Variants in ASPSCR1 observed in about 807,000 individuals in gnomAD.
ASPSCR1 encodes ASPSCR1 tether for SLC2A4, UBX domain containing.
Under a neutral mutation model 68.9 loss-of-function variants are expected in ASPSCR1, and 55 were observed. That is an observed-to-expected ratio of 0.80 (90% CI 0.64 to 1.00). The LOEUF is 1.00. ASPSCR1 is among the 50% of genes least tolerant of loss of function. The pLI is 0.00. For missense variants in ASPSCR1, 765 were observed against 762.2 expected (o/e 1.00, Z -0.04); for synonymous variants, 352 against 332.6 (o/e 1.06, Z -0.63).
Position 82,004,995 on chromosome 17 carries a change from T to G in ASPSCR1, c.934-4042T>G, listed in dbSNP as rs1025561395. The G allele has an allele frequency of 3.9e-5, 6 of 152,464 alleles. No individual in the cohort carries two copies. In the Middle Eastern group the frequency reaches 0.014, roughly 343 times the overall value. 9.4% of individuals were successfully genotyped at this position (152,464 alleles called of 1,614,324 possible). A position where few individuals can be genotyped will look rare whatever the true frequency, so the allele number is the denominator to read the frequency against. ...GACCTGCTGCCCGGGGCCGGGGGTC[T>G]GGGCCTCTTTGCATCGGCTCAGGGG... On this transcript the variant is annotated intron_variant, in intron 7 of 15. Transcript: ENST00000306739.
chr17:82,001,675 C>G lies in ASPSCR1; in HGVS notation c.933+4829C>G, dbSNP rs569601445. 3.9e-5 allele frequency among the ~76,000 whole-genome samples: 6 copies of G among 152,320 alleles called. No individual in the cohort carries two copies. The East Asian group carries it at 1.2e-3, about 29-fold the overall frequency. On this transcript the variant is annotated intron_variant, in intron 7 of 15. Transcript: ENST00000306739. ...TGGGCGAGTCGGCTGCTGCAGGGCG[C>G]AGACCCCACTGGCCCCTTCTGGCCT...
chr17:81,993,953 G>A (rs1181795677), intron 4 of ASPSCR1, among the ~76,000 whole-genome samples: 1 of 152,142 alleles, frequency 6.6e-6, no homozygotes, highest in Non-Finnish European at 1.5e-5. Flanking sequence ...TCCCTGGAGA[G>A]GGACTGATGA....
At chr17:81,992,815 C>T (rs540410787) in intron 4 of ASPSCR1, among the ~76,000 whole-genome samples, 8 of 152,334 alleles carry the variant, frequency 5.3e-5, no homozygotes, top group African/African-American at 9.6e-5. Context: ...CTCTGTGGGA[C>T]GGGAGCTTAG....
chr17:81,978,175 G>A (rs1364155153), intron 1 of ASPSCR1: 1 of 153,554 alleles, frequency 6.5e-6, no homozygotes, highest in Non-Finnish European at 1.4e-5. Flanking sequence ...GATTTTTGCC[G>A]AGTCACTCAC....
In ASPSCR1 at chr17:82,010,851, TC is replaced by T. The variant is rs1273300845; in HGVS notation, c.1222del (p.Arg408AlafsTer13). ...GACCGCTACGTCCTACAGGGCTTCT[TC>T]CGCCCCAGCGAGACAGGTGGGCAGC... ...FPDRYVLQGF[F>X]RPSETVGDLR... On this transcript the variant is annotated frameshift_variant, in exon 10 of 16. Coordinates refer to ENST00000306739, the MANE Select transcript of ASPSCR1 (RefSeq NM_024083.4). LOFTEE classifies it high-confidence loss of function. 1.9e-6 allele frequency: 3 copies of T among 1,612,702 alleles called. No individual in the cohort carries two copies. Among genetic ancestry groups the T allele is most frequent in the Non-Finnish European group, 2.5e-6 (3 of 1,179,906 alleles).
chr17:81,984,787 ACACACCCC>A (rs1177493675), intron 3 of ASPSCR1, among the ~76,000 whole-genome samples: 2 of 149,248 alleles, frequency 1.3e-5, no homozygotes, highest in Admixed American at 6.7e-5. Context: ...ACACACCCAC[ACACACCCC>A]CACACACCCA....
intron 7 of ASPSCR1, among the ~76,000 whole-genome samples, chr17:82,000,603 C>T (rs2042497559): frequency 6.6e-6 from 1 of 152,170 alleles, no homozygotes; most frequent in South Asian, 2.1e-4. Context: ...TCCAAGTTTC[C>T]CATTAATGTT....
At chr17:81,980,617 T>G (rs1263672598) in intron 2 of ASPSCR1, among the ~76,000 whole-genome samples, 1 of 152,198 alleles carries the variant, frequency 6.6e-6, no homozygotes, top group South Asian at 2.1e-4. Flanking sequence ...GGGTGGCCAT[T>G]CTAACAGGCT....
chr17:82,002,054 C>A (rs2042554050), intron 7 of ASPSCR1, among the ~76,000 whole-genome samples: 1 of 130,086 alleles, frequency 7.7e-6, no homozygotes, highest in Non-Finnish European at 1.5e-5. Context: ...CTTGCCCAGG[C>A]AGGAGTGCAG....
At chr17:81,991,056 G>T (rs958331685) in intron 4 of ASPSCR1, among the ~76,000 whole-genome samples, 3 of 152,158 alleles carry the variant, frequency 2.0e-5, no homozygotes, top group African/African-American at 7.2e-5. Context: ...GGGTGACCGA[G>T]ACCTGCCGTG....
intron 2 of ASPSCR1, among the ~76,000 whole-genome samples, chr17:81,980,639 C>T (rs984514374): frequency 1.3e-5 from 2 of 152,192 alleles, no homozygotes; most frequent in Admixed American, 1.3e-4. Flanking sequence ...GGAAGTGTAG[C>T]CTCCAGCCAG....
chr17:82,008,998 C>A (rs2042817539), intron 7 of ASPSCR1, 39 bp from the exon 8 acceptor site: 32 of 1,465,712 alleles, frequency 2.2e-5, no homozygotes, highest in Non-Finnish European at 2.9e-5. Flanking sequence ...GAGGGCCCAG[C>A]CCGTGACACC....
At chr17:82,000,830 T>C (rs1207693953) in intron 7 of ASPSCR1, among the ~76,000 whole-genome samples, 1 of 151,812 alleles carries the variant, frequency 6.6e-6, no homozygotes, top group Non-Finnish European at 1.5e-5. Flanking sequence ...GGCCCTGTCT[T>C]TGAAGTGCCT....
At chr17:81,979,273 G>T (rs1441492469) in intron 2 of ASPSCR1, 34 bp downstream of exon 2, 1 of 1,604,068 alleles carries the variant, frequency 6.2e-7, no homozygotes, top group East Asian at 2.2e-5. Context: ...CAGGGTCTGA[G>T]TATATCTGTG....
intron 12 of ASPSCR1, chr17:82,015,054 T>C: frequency 6.3e-7 from 1 of 1,589,146 alleles, no homozygotes; most frequent in Non-Finnish European, 8.5e-7. Context: ...GGGGACGGTG[T>C]GACCCACTTT....
intron 9 of ASPSCR1, among the ~76,000 whole-genome samples, chr17:82,010,544 A>C (rs1242459773): frequency 2.0e-5 from 3 of 150,924 alleles, no homozygotes; most frequent in Non-Finnish European, 4.4e-5. Flanking sequence ...AAAAAAAAAA[A>C]AAAAAAAACC....
In ASPSCR1 at chr17:81,977,708, G is replaced by A. The variant is rs2041642388; in HGVS notation, c.62G>A (p.Arg21His). ...TCGGTGCTGGCCCCGAACGGCCGGC[G>A]CCACACGGTGAAGGTGACGCCGAGC... ...AVSVLAPNGR[R>H]HTVKVTPSTV... Residue 21 changes from arginine to histidine, a missense_variant, in exon 1 of 16, where the codon CGC becomes CAC. By Grantham distance (29) the Arg-to-His change is conservative. Coordinates refer to ENST00000306739, the MANE Select transcript of ASPSCR1 (RefSeq NM_024083.4). The surrounding 1 kb of genome is among the most constrained non-coding windows in gnomAD (Gnocchi z 5.0). 12 of 1,353,812 alleles carry A rather than the reference G, an allele frequency of 8.9e-6. No individual in the cohort carries two copies. The highest frequency in any genetic ancestry group is 1.5e-5 in the African/African-American group (1 of 65,770). 83.9% of individuals were successfully genotyped at this position (1,353,812 alleles called of 1,614,324 possible). A position where few individuals can be genotyped will look rare whatever the true frequency, so the allele number is the denominator to read the frequency against.
At chr17:82,011,471 G>C (rs1214735474) in intron 10 of ASPSCR1, 72 bp from the exon 11 acceptor site, 1 of 1,419,748 alleles carries the variant, frequency 7.0e-7, no homozygotes, top group Non-Finnish European at 9.6e-7. Context: ...GGGAGCAGTG[G>C]CCCAGGTGCT....
Position 81,983,708 on chromosome 17 carries a change from A to G in ASPSCR1, c.273+40A>G. On this transcript the variant is annotated intron_variant, in intron 3 of 15. Coordinates refer to ENST00000306739, the MANE Select transcript of ASPSCR1 (RefSeq NM_024083.4). The surrounding 1 kb of genome is among the most constrained non-coding windows in gnomAD (Gnocchi z 4.4). Reference sequence around the variant, plus strand: ...GGGGGAGGCTGACTGTGTGGGGCACAGGATCGTTCAGCTGGCCAGGGACGG... The same window carrying G: ...GGGGGAGGCTGACTGTGTGGGGCACGGGATCGTTCAGCTGGCCAGGGACGG... 1 of 1,504,372 alleles carries G rather than the reference A, an allele frequency of 6.6e-7. No homozygotes were observed. The highest frequency in any genetic ancestry group is 9.1e-7 in the Non-Finnish European group (1 of 1,096,546). The allele number at this position is 1,504,372 out of a possible 1,614,324, so 93.2% of individuals were successfully genotyped here. A position where few individuals can be genotyped will look rare whatever the true frequency, so the allele number is the denominator to read the frequency against.
Sources: gnomAD v4.1 joint callset for allele counts (sites outside exome capture counted in the v4.1 genomes callset) on GRCh38, gnomAD v4.1.1 for gene constraint, Gnocchi (gnomAD v3.1) non-coding constraint, MANE v1.5 for transcripts, NCBI Gene and HGNC (gene_info 2026-07-23, HGNC 2026-07-21) for gene names.